The following NAALADL2 variants were observed in gnomAD, a reference collection of about 807,000 sequenced individuals.
NAALADL2 encodes N-acetylated alpha-linked acidic dipeptidase like 2.
A neutral mutation model predicts 87.2 loss-of-function variants in NAALADL2; 76 were observed. The ratio of observed to expected loss-of-function variants is 0.87; its 90% CI spans 0.72 to 1.05. The LOEUF (loss-of-function observed/expected upper bound fraction) is 1.05. Ranked by LOEUF, NAALADL2 falls within the 50% of genes least tolerant of loss-of-function variation. The pLI is 0.00. For synonymous variants in NAALADL2, 354 were observed against 331.0 expected, an observed-to-expected ratio of 1.07 and a Z score of -0.75; for missense variants, 1,089 against 945.8, an observed-to-expected ratio of 1.15 and a Z score of -1.99.
intron 9 of NAALADL2, chr3:175,487,482 G>A: frequency 2.2e-6 from 1 of 455,614 alleles, no homozygotes. Context: ...CCCATCCAAA[G>A]CACTATCCAT....
chr3:174,580,120 A>G (rs1715995455), intron 2 of NAALADL2, among the ~76,000 whole-genome samples: 1 of 152,092 alleles, frequency 6.6e-6, no homozygotes, highest in Admixed American at 6.6e-5. Context: ...AAATAAGGAA[A>G]AATGTGTAAG....
At chr3:175,412,312 A>G (rs1713687896) in intron 5 of NAALADL2, among the ~76,000 whole-genome samples, 1 of 152,184 alleles carries the variant, frequency 6.6e-6, no homozygotes, top group Admixed American at 6.5e-5. Flanking sequence ...GTTGTGTTGG[A>G]ATTTACATCA....
intron 9 of NAALADL2, among the ~76,000 whole-genome samples, chr3:175,549,282 T>C (rs1187332084): frequency 6.6e-6 from 1 of 152,032 alleles, no homozygotes; most frequent in Non-Finnish European, 1.5e-5. Flanking sequence ...AAAAATTGGA[T>C]GTGTATATCT....
Position 175,179,889 on chromosome 3 carries a change from A to C in NAALADL2, c.546-54042A>C, listed in dbSNP as rs532822496. On this transcript the variant is annotated intron_variant, in intron 2 of 13. Coordinates refer to ENST00000454872, the MANE Select transcript of NAALADL2 (RefSeq NM_207015.3). ...TGAGATTTGAAAAACTATTTCTGAC[A>C]ATCATTGTGTCACATAGTATCGGTA... 5.3e-5 allele frequency among the ~76,000 whole-genome samples: 8 copies of C among 152,180 alleles called. No homozygotes were observed. In the East Asian group the frequency reaches 1.5e-3, roughly 29 times the overall value.
intron 10 of NAALADL2, among the ~76,000 whole-genome samples, chr3:175,582,419 C>T (rs374449650): frequency 2.5e-4 from 38 of 152,120 alleles, no homozygotes; most frequent in Non-Finnish European, 3.2e-4. Context: ...ATATAGCATA[C>T]GCACTATATT....
intron 4 of NAALADL2, among the ~76,000 whole-genome samples, chr3:175,320,613 C>A (rs1759732189): frequency 1.3e-5 from 2 of 152,002 alleles, no homozygotes; most frequent in South Asian, 4.1e-4. Context: ...ACAGGCTCAG[C>A]CCTGGAAAAA....
Position 174,578,456 on chromosome 3 carries a change from T to C in NAALADL2, c.-115+27819T>C, listed in dbSNP as rs987063319. ...AGAAACAAAGGAGATCAGCAGACAA[T>C]GGGACAACACATTTAAAGTGATTTA... On this transcript the variant is annotated intron_variant, in intron 2 of 3. Coordinates refer to the NAALADL2 transcript ENST00000434257. Among the ~76,000 whole-genome samples, 29 of 152,024 alleles carry C rather than the reference T, an allele frequency of 1.9e-4. No individual in the cohort carries two copies. In the East Asian group the frequency reaches 4.3e-3, roughly 22 times the overall value.
At position 175,761,621 on chromosome 3, in the gene NAALADL2, A is replaced by C. The variant is rs111433440; in HGVS notation, c.2189+6203A>C. On this transcript the variant is annotated intron_variant, in intron 13 of 13. Transcript: ENST00000454872. Reference sequence around the variant, plus strand: ...TATATCATTTTTCTTGTCCACCAGTAGTCAATGAAACTTTCAGTTGCTCCA... The same window carrying C: ...TATATCATTTTTCTTGTCCACCAGTCGTCAATGAAACTTTCAGTTGCTCCA... Among the ~76,000 whole-genome samples the C allele has an allele frequency of 5.5e-3, 841 of 152,292 alleles. 3 individuals carry two copies. Among genetic ancestry groups the C allele is most frequent in the South Asian group, 0.02 (96 of 4,826 alleles).
At chr3:175,105,385 T>G (rs1353911948) in intron 2 of NAALADL2, among the ~76,000 whole-genome samples, 1 of 151,948 alleles carries the variant, frequency 6.6e-6, no homozygotes, top group African/African-American at 2.4e-5. Flanking sequence ...GATTATCACT[T>G]TTTTTGAAAA....
At chr3:175,393,272 C>G (rs1252796000) in intron 5 of NAALADL2, among the ~76,000 whole-genome samples, 1 of 80,364 alleles carries the variant, frequency 1.2e-5, no homozygotes, top group Non-Finnish European at 2.1e-5. Context: ...CAGAGCGAGA[C>G]TCCGTCTCAA....
At chr3:175,398,552 T>C (rs1435608308) in intron 5 of NAALADL2, among the ~76,000 whole-genome samples, 1 of 149,200 alleles carries the variant, frequency 6.7e-6, no homozygotes, top group Non-Finnish European at 1.5e-5. Context: ...AGGAAGTTTT[T>C]GCAGAAATTT....
intron 4 of NAALADL2, among the ~76,000 whole-genome samples, chr3:175,262,424 G>A (rs1292733438): frequency 5.3e-5 from 8 of 151,762 alleles, no homozygotes; most frequent in South Asian, 2.1e-4. Flanking sequence ...CTTTTCTTGC[G>A]GTAGAAGTTG....
intron 3 of NAALADL2, among the ~76,000 whole-genome samples, chr3:174,826,304 T>C (rs1413299993): frequency 2.0e-5 from 3 of 152,206 alleles, no homozygotes; most frequent in Non-Finnish European, 4.4e-5. Flanking sequence ...TGGTTAAACA[T>C]CACTAAGAGC....
At chr3:175,802,386 G>T (rs1754278796) in intron 13 of NAALADL2, among the ~76,000 whole-genome samples, 1 of 151,134 alleles carries the variant, frequency 6.6e-6, no homozygotes, top group Admixed American at 6.6e-5. Flanking sequence ...AAACATTTTT[G>T]GTTTTTACAC....
intron 1 of NAALADL2, among the ~76,000 whole-genome samples, chr3:174,900,351 A>C (rs1339666332): frequency 3.9e-5 from 6 of 152,056 alleles, no homozygotes; most frequent in Admixed American, 6.6e-5. Flanking sequence ...AATCAATAAC[A>C]AATAAAATCT....
intron 1 of NAALADL2, among the ~76,000 whole-genome samples, chr3:175,064,708 A>T (rs548035989): frequency 1.1e-4 from 16 of 152,270 alleles, no homozygotes; most frequent in Non-Finnish European, 2.2e-4. Context: ...AGTGGAAGTG[A>T]TCTTACTCAT....
intron 5 of NAALADL2, among the ~76,000 whole-genome samples, chr3:175,408,268 T>G (rs1345493648): frequency 6.6e-6 from 1 of 152,040 alleles, no homozygotes; most frequent in Non-Finnish European, 1.5e-5. Context: ...GATAAAAGAG[T>G]AGATTTTTAA....
chr3:174,761,773 C>T (rs1341286063), intron 3 of NAALADL2, among the ~76,000 whole-genome samples: 3 of 133,288 alleles, frequency 2.3e-5, no homozygotes, highest in Non-Finnish European at 3.2e-5. Context: ...CCCCACCCCA[C>T]GACAGTCCCT....
chr3:175,481,791 A>G (rs936309314), intron 9 of NAALADL2, among the ~76,000 whole-genome samples: 9 of 151,976 alleles, frequency 5.9e-5, no homozygotes, highest in Admixed American at 4.6e-4. Context: ...CAGATACAGC[A>G]TCATGGGTTA....
Sources: allele counts gnomAD v4.1 joint callset (sites outside exome capture counted in the v4.1 genomes callset), GRCh38; gene constraint gnomAD v4.1.1; transcripts MANE v1.5; gene names NCBI Gene and HGNC (gene_info 2026-07-23, HGNC 2026-07-21).